Variants in ANKRD17 observed in about 807,000 individuals in gnomAD.
ANKRD17 encodes ankyrin repeat domain 17.
In ANKRD17, 19 loss-of-function variants were observed where a neutral mutation model predicts 229.7. The ratio of observed to expected loss-of-function variants is 0.08; its 90% confidence interval spans 0.06 to 0.12. The LOEUF (loss-of-function observed/expected upper bound fraction) is 0.12. Among genes scored for constraint, ANKRD17 ranks in the 10% least tolerant of loss-of-function variants. ANKRD17 has a pLI of 1.00. For synonymous variants in ANKRD17, 1,112 were observed against 1,146.1 expected (o/e 0.97, Z 0.60); for missense variants, 2,176 against 3,176.8 (o/e 0.68, Z 7.57).
At chr4:73,121,431 A>G in intron 19 of ANKRD17, 186 bp downstream of exon 19, 1 of 692,152 alleles carries the variant, frequency 1.4e-6, no homozygotes, top group East Asian at 2.7e-5. Context: ...AGTACTCAAT[A>G]TTTTTCAAAC....
chr4:73,148,802 G>C lies in ANKRD17; in HGVS notation c.1567+11C>G, dbSNP rs745882191. On this transcript the variant is annotated intron_variant, in intron 8 of 33. Transcript: ENST00000358602. ...ACATTTATACTTTAGTGTCTTGATA[G>C]ATACGGTTACCTTGACCAAGAAGTA... 1 of 1,606,550 alleles carries C rather than the reference G, an allele frequency of 6.2e-7. No homozygotes were observed. Among genetic ancestry groups the C allele is most frequent in the Non-Finnish European group, 8.5e-7 (1 of 1,173,246 alleles).
intron 2 of ANKRD17, among the ~76,000 whole-genome samples, chr4:73,166,665 T>A (rs1401289115): frequency 6.6e-6 from 1 of 151,600 alleles, no homozygotes; most frequent in Non-Finnish European, 1.5e-5. Flanking sequence ...TCTGATCAAG[T>A]ATCTGGATCT....
intron 1 of ANKRD17, among the ~76,000 whole-genome samples, chr4:73,210,084 T>A (rs1740047920): frequency 6.6e-6 from 1 of 151,994 alleles, no homozygotes; most frequent in African/African-American, 2.4e-5. Context: ...ATGGAGGCCC[T>A]ACTTAAGGCA....
At chr4:73,173,133 T>C (rs1734265242) in intron 2 of ANKRD17, among the ~76,000 whole-genome samples, 1 of 152,152 alleles carries the variant, frequency 6.6e-6, no homozygotes, top group Non-Finnish European at 1.5e-5. Context: ...TCCAGGCCAC[T>C]GGAAACCAAA....
At chr4:73,257,982 A>G (rs1578546612) in intron 1 of ANKRD17, among the ~76,000 whole-genome samples, 1 of 99,662 alleles carries the variant, frequency 1.0e-5, no homozygotes, top group African/African-American at 4.0e-5. Flanking sequence ...CCCGGCGTGC[A>G]AACAGGGAAT....
In ANKRD17 at chr4:73,085,333, C is replaced by T; in HGVS notation, c.7075G>A (p.Gly2359Arg). ...AAGTTAGCAGCTGCGGGTGCTCCTCCAAGGGGTGCCCCAGGTCCGTACATC... is the reference window on the plus strand; with the variant it reads ...AAGTTAGCAGCTGCGGGTGCTCCTCTAAGGGGTGCCCCAGGTCCGTACATC... Reference protein sequence around the residue: ...GQMYGPGAPLGGAPAAANFNR... With the variant: ...GQMYGPGAPLRGAPAAANFNR... Residue 2359 changes from glycine to arginine, a missense_variant, in exon 30 of 34, where the codon GGA becomes AGA. By Grantham distance (125) the Gly-to-Arg change is moderately radical. Coordinates refer to ENST00000358602, the MANE Select transcript of ANKRD17 (RefSeq NM_032217.5). 6.2e-7 allele frequency: 1 copy of T among 1,614,070 alleles called. No individual in the cohort carries two copies. Among genetic ancestry groups the T allele is most frequent in the Non-Finnish European group, 8.5e-7 (1 of 1,180,008 alleles).
chr4:73,115,949 C>A, intron 22 of ANKRD17, 33 bp from the exon 23 acceptor site: 2 of 1,557,968 alleles, frequency 1.3e-6, no homozygotes, highest in Non-Finnish European at 1.8e-6. Context: ...AGATTGAAAA[C>A]AGACTCTAAC....
chr4:73,077,989 C>A (rs938279097), intron 31 of ANKRD17, among the ~76,000 whole-genome samples: 1 of 152,186 alleles, frequency 6.6e-6, no homozygotes. Flanking sequence ...GTGGCTCATG[C>A]CTGTAATGCC....
At position 73,245,508 on chromosome 4, in the gene ANKRD17, A is replaced by C. The variant is rs146629394; in HGVS notation, c.393+12768T>G. Reference sequence around the variant, plus strand: ...ATCTTCCCTTCCTGACTGCCTATGGAGAACAGCTTCAGCCTAAGCCCATGG... The same window carrying C: ...ATCTTCCCTTCCTGACTGCCTATGGCGAACAGCTTCAGCCTAAGCCCATGG... On this transcript the variant is annotated intron_variant, in intron 1 of 33. Coordinates refer to ENST00000358602, the MANE Select transcript of ANKRD17 (RefSeq NM_032217.5). Among the ~76,000 whole-genome samples the C allele has an allele frequency of 1.2e-4, 18 of 152,290 alleles. No homozygotes were observed. The East Asian group carries it at 2.5e-3, about 21-fold the overall frequency.
chr4:73,255,670 TCTGTA>T (rs1745388738), intron 1 of ANKRD17, among the ~76,000 whole-genome samples: 1 of 152,148 alleles, frequency 6.6e-6, no homozygotes, highest in Non-Finnish European at 1.5e-5. Context: ...GCAGAGACAA[TCTGTA>T]CTCCTTTTTG....
At chr4:73,241,615 A>G (rs1744048789) in intron 1 of ANKRD17, among the ~76,000 whole-genome samples, 1 of 152,158 alleles carries the variant, frequency 6.6e-6, no homozygotes, top group Admixed American at 6.5e-5. Context: ...TCAGTGGCCA[A>G]TAAGGTTAAA....
At chr4:73,148,178 A>G (rs540067292) in intron 8 of ANKRD17, among the ~76,000 whole-genome samples, 3 of 152,336 alleles carry the variant, frequency 2.0e-5, no homozygotes, top group East Asian at 3.9e-4. Context: ...AATAAAAACA[A>G]AAGTTTTTTT....
chr4:73,108,167 T>G (rs1241425843), intron 24 of ANKRD17, among the ~76,000 whole-genome samples: 1 of 152,032 alleles, frequency 6.6e-6, no homozygotes, highest in Non-Finnish European at 1.5e-5. Flanking sequence ...TTCAACGCGA[T>G]GGAGTATAGA....
At chr4:73,203,699 C>CAGTG (rs2149117839) in intron 1 of ANKRD17, among the ~76,000 whole-genome samples, 1 of 135,894 alleles carries the variant, frequency 7.4e-6, no homozygotes, top group South Asian at 2.3e-4. Flanking sequence ...GCGGAGCTTG[C>CAGTG]AGTGAGTCGA....
At chr4:73,137,660 A>G (rs1729083121) in intron 15 of ANKRD17, among the ~76,000 whole-genome samples, 1 of 152,140 alleles carries the variant, frequency 6.6e-6, no homozygotes, top group Non-Finnish European at 1.5e-5. Context: ...TAAGTAGCCA[A>G]ATGTTTTCAA....
intron 1 of ANKRD17, among the ~76,000 whole-genome samples, chr4:73,236,144 G>T (rs1445988054): frequency 6.6e-6 from 1 of 151,936 alleles, no homozygotes; most frequent in Non-Finnish European, 1.5e-5. Context: ...ACTCCTCAAT[G>T]GATAAAAAAC....
chr4:73,132,725 C>A (rs995771192), intron 16 of ANKRD17, among the ~76,000 whole-genome samples: 1 of 152,070 alleles, frequency 6.6e-6, no homozygotes, highest in African/African-American at 2.4e-5. Context: ...CTTCTCAGAA[C>A]TAAGTTATAA....
chr4:73,210,589 C>G (rs1242111152), intron 1 of ANKRD17, among the ~76,000 whole-genome samples: 1 of 152,070 alleles, frequency 6.6e-6, no homozygotes, highest in Non-Finnish European at 1.5e-5. Context: ...ATTGTTGAAA[C>G]AAACAAGACC....
At chr4:73,146,363 CTT>C (rs1730281147) in intron 10 of ANKRD17, among the ~76,000 whole-genome samples, 2 of 152,114 alleles carry the variant, frequency 1.3e-5, no homozygotes, top group South Asian at 4.2e-4. Flanking sequence ...GTTTTAAACT[CTT>C]TTATTATTTA....
Sources: gnomAD v4.1 joint callset for allele counts (sites outside exome capture counted in the v4.1 genomes callset) on GRCh38, gnomAD v4.1.1 for gene constraint, MANE v1.5 for transcripts, NCBI Gene and HGNC (gene_info 2026-07-23, HGNC 2026-07-21) for gene names.